The following CNTN4 variants were observed in gnomAD, a reference collection of about 807,000 sequenced individuals.
The protein encoded by CNTN4 is contactin-4.
In CNTN4, 77 loss-of-function variants were observed where a neutral mutation model predicts 122.5. The observed-to-expected ratio is 0.63, with a 90% CI of 0.52 to 0.76. The LOEUF (loss-of-function observed/expected upper bound fraction) is 0.76, where lower values mean the gene tolerates loss of function less well. Ranked by LOEUF, CNTN4 falls within the 30% of genes least tolerant of loss-of-function variation. CNTN4 has a pLI of 0.00. For missense variants in CNTN4, 1,256 were observed against 1,259.1 expected, an observed-to-expected ratio of 1.00 and a Z score of 0.04; for synonymous variants, 512 against 447.0, an observed-to-expected ratio of 1.15 and a Z score of -1.83.
intron 3 of CNTN4, among the ~76,000 whole-genome samples, chr3:2,487,461 C>T (rs897881398): frequency 6.6e-6 from 1 of 152,160 alleles, no homozygotes; most frequent in Admixed American, 6.5e-5. Flanking sequence ...TCCATCCACC[C>T]CACAACAATT....
At chr3:2,962,898 T>G (rs1481135944) in intron 13 of CNTN4, among the ~76,000 whole-genome samples, 2 of 152,222 alleles carry the variant, frequency 1.3e-5, no homozygotes, top group Non-Finnish European at 2.9e-5. Context: ...CTGTGAATCA[T>G]CCAGTGTCCT....
intron 3 of CNTN4, among the ~76,000 whole-genome samples, chr3:2,339,442 C>G (rs1403409320): frequency 6.6e-6 from 1 of 152,148 alleles, no homozygotes; most frequent in Non-Finnish European, 1.5e-5. Context: ...TTACATTTCT[C>G]TCTGGAGAAG....
intron 6 of CNTN4, among the ~76,000 whole-genome samples, chr3:2,781,963 T>TC (rs377324012): frequency 6.7e-6 from 1 of 149,782 alleles, no homozygotes; most frequent in Non-Finnish European, 1.5e-5. Flanking sequence ...GACCTCGTGA[T>TC]CCCCCCGCCT....
At chr3:2,750,223 C>T in intron 6 of CNTN4, among the ~76,000 whole-genome samples, 1 of 152,306 alleles carries the variant, frequency 6.6e-6, no homozygotes, top group East Asian at 1.9e-4. Context: ...TAGATTTACT[C>T]TAATTTATGA....
chr3:2,941,484 C>T (rs939936901), intron 13 of CNTN4, among the ~76,000 whole-genome samples: 1 of 152,234 alleles, frequency 6.6e-6, no homozygotes, highest in Non-Finnish European at 1.5e-5. Context: ...TCTCTCTGAT[C>T]GCTTGAGCCT....
chr3:2,862,183 GATA>G (rs2093677931), intron 7 of CNTN4, among the ~76,000 whole-genome samples: 1 of 152,174 alleles, frequency 6.6e-6, no homozygotes. Flanking sequence ...CCACTACTGG[GATA>G]TGACTCAGAA....
intron 3 of CNTN4, among the ~76,000 whole-genome samples, chr3:2,482,742 G>A (rs960879093): frequency 2.6e-5 from 4 of 152,222 alleles, no homozygotes; most frequent in African/African-American, 9.6e-5. Flanking sequence ...CAAGCCTCAA[G>A]CCTAGGCAGC....
chr3:2,469,920 T>C (rs1348912018), intron 3 of CNTN4, among the ~76,000 whole-genome samples: 1 of 152,226 alleles, frequency 6.6e-6, no homozygotes, highest in African/African-American at 2.4e-5. Flanking sequence ...ACTGTATTAG[T>C]GTTTATATGT....
In CNTN4 at chr3:2,848,857, G is replaced by A. The variant is rs2093499180; in HGVS notation, c.455-17895G>A. On this transcript the variant is annotated intron_variant, in intron 7 of 24. Coordinates refer to ENST00000418658, the MANE Select transcript of CNTN4 (RefSeq NM_175607.3). Reference sequence around the variant, plus strand: ...AGGGTGGTGCTGGATAGAAAATGCTGATTGGGCAGCCAGACGACATAGGTC... The same window carrying A: ...AGGGTGGTGCTGGATAGAAAATGCTAATTGGGCAGCCAGACGACATAGGTC... Among the ~76,000 whole-genome samples, 4 of 152,220 alleles carry A rather than the reference G, an allele frequency of 2.6e-5. No homozygotes were observed. In the South Asian group the frequency reaches 8.3e-4, roughly 32 times the overall value.
chr3:2,802,593 A>C lies in CNTN4; in HGVS notation c.359-16893A>C, dbSNP rs543767900. Among the ~76,000 whole-genome samples the C allele has an allele frequency of 7.2e-5, 11 of 152,344 alleles. No individual in the cohort carries two copies. The South Asian group carries it at 2.3e-3, about 32-fold the overall frequency. Reference sequence around the variant, plus strand: ...ATTATGTATTAAATACCATGTCTTCAAACAGAAACAAGTAAAGCAAGGTTA... The same window carrying C: ...ATTATGTATTAAATACCATGTCTTCCAACAGAAACAAGTAAAGCAAGGTTA... On this transcript the variant is annotated intron_variant, in intron 6 of 24. Coordinates refer to ENST00000418658, the MANE Select transcript of CNTN4 (RefSeq NM_175607.3).
chr3:2,994,562 A>C (rs1282889610), intron 14 of CNTN4, among the ~76,000 whole-genome samples: 1 of 149,164 alleles, frequency 6.7e-6, no homozygotes, highest in Non-Finnish European at 1.5e-5. Flanking sequence ...CCCCATAGAA[A>C]GTTTATTTAT....
intron 2 of CNTN4, among the ~76,000 whole-genome samples, chr3:2,181,888 A>G (rs1453076798): frequency 1.3e-5 from 2 of 152,140 alleles, no homozygotes; most frequent in Non-Finnish European, 2.9e-5. Context: ...ATAACACTAC[A>G]TAAGCAAATA....
At position 2,667,478 on chromosome 3, in the gene CNTN4, A is replaced by G. The variant is rs370895602; in HGVS notation, c.56-68737A>G. 2.4e-3 allele frequency among the ~76,000 whole-genome samples: 366 copies of G among 152,196 alleles called. 19 individuals are homozygous for G. In the South Asian group the frequency reaches 0.074, roughly 31 times the overall value. ...GCAAATTTGTTTGAGTTCCTTGTAG[A>G]TTCTGGATATTAGCCCTTTGTCAGA... is the stretch of plus-strand genomic sequence containing the variant. On this transcript the variant is annotated intron_variant, in intron 4 of 24. Coordinates refer to ENST00000418658, the MANE Select transcript of CNTN4 (RefSeq NM_175607.3).
chr3:2,430,373 G>C (rs1411057473), intron 3 of CNTN4, among the ~76,000 whole-genome samples: 1 of 147,082 alleles, frequency 6.8e-6, no homozygotes, highest in Non-Finnish European at 1.5e-5. Context: ...AGTGAGCCAA[G>C]ATTGGGCCAC....
chr3:2,175,398 G>A (rs2036706317), intron 2 of CNTN4, among the ~76,000 whole-genome samples: 1 of 151,866 alleles, frequency 6.6e-6, no homozygotes, highest in African/African-American at 2.4e-5. Context: ...TTTCAACAAG[G>A]AAAAAAAGTC....
At chr3:2,502,616 A>G (rs1188512673) in intron 3 of CNTN4, among the ~76,000 whole-genome samples, 1 of 152,118 alleles carries the variant, frequency 6.6e-6, no homozygotes, top group Non-Finnish European at 1.5e-5. Flanking sequence ...ACAGGTGTTC[A>G]CACATAATTT....
chr3:2,959,688 A>AG (rs1186037116), intron 13 of CNTN4, among the ~76,000 whole-genome samples: 1 of 152,006 alleles, frequency 6.6e-6, no homozygotes, highest in Non-Finnish European at 1.5e-5. Flanking sequence ...TCAAAAAAAA[A>AG]AATCTTCTAC....
intron 3 of CNTN4, among the ~76,000 whole-genome samples, chr3:2,440,735 T>A (rs956529209): frequency 6.6e-6 from 1 of 150,882 alleles, no homozygotes; most frequent in African/African-American, 2.4e-5. Context: ...CACATATTTG[T>A]GTATGAATGA....
At chr3:2,925,098 G>A (rs1273397833) in intron 12 of CNTN4, among the ~76,000 whole-genome samples, 1 of 152,082 alleles carries the variant, frequency 6.6e-6, no homozygotes, top group Non-Finnish European at 1.5e-5. Context: ...TCTTCATGGT[G>A]GTGTATACCA....
Sources: gnomAD v4.1 joint callset for allele counts (sites outside exome capture counted in the v4.1 genomes callset) on GRCh38, gnomAD v4.1.1 for gene constraint, MANE v1.5 for transcripts, NCBI Gene and HGNC (gene_info 2026-07-23, HGNC 2026-07-21) for gene names.